Variants in SORCS2 observed in about 807,000 individuals in gnomAD.
The protein encoded by SORCS2 is sortilin related VPS10 domain containing receptor 2, also known as VPS10 domain-containing receptor SorCS2.
A neutral mutation model predicts 141.6 loss-of-function variants in SORCS2; 100 were observed. The ratio of observed to expected loss-of-function variants is 0.71; its 90% CI spans 0.60 to 0.83. SORCS2 has a LOEUF of 0.83. Ranked by LOEUF, SORCS2 falls within the 40% of genes least tolerant of loss-of-function variation. The probability of loss-of-function intolerance (pLI) is 0.00; values close to 1 mark genes in which losing one functional copy is unlikely to be tolerated. For synonymous variants in SORCS2, 789 were observed against 676.9 expected, an observed-to-expected ratio of 1.17 and a Z score of -2.57; for missense variants, 1,646 against 1,560.2, an observed-to-expected ratio of 1.05 and a Z score of -0.93.
chr4:7,594,266 C>T (rs988981776), intron 3 of SORCS2, among the ~76,000 whole-genome samples: 3 of 152,312 alleles, frequency 2.0e-5, no homozygotes, highest in African/African-American at 4.8e-5. Context: ...TGGCAGGTCC[C>T]GCGATCATAA....
At chr4:7,219,105 A>G (rs904978) in intron 1 of SORCS2, among the ~76,000 whole-genome samples, 46,957 of 151,348 alleles carry the variant, frequency 0.31, 8,066 homozygotes, top group Non-Finnish European at 0.39. Flanking sequence ...TGCACCACCT[A>G]TGCCTCCTGC....
intron 3 of SORCS2, among the ~76,000 whole-genome samples, chr4:7,564,032 G>A (rs577667375): frequency 7.9e-5 from 12 of 152,154 alleles, no homozygotes; most frequent in Admixed American, 2.0e-4. Context: ...TTGCATTCCC[G>A]CAAAAGAAGC....
At chr4:7,737,237 C>A (rs1392297562) in intron 26 of SORCS2, 65 bp downstream of exon 26, 1 of 1,543,206 alleles carries the variant, frequency 6.5e-7, no homozygotes, top group South Asian at 1.2e-5. Context: ...CCAAACCCAC[C>A]CCGCCCTCCC....
At chr4:7,521,287 G>A (rs1733314514) in intron 2 of SORCS2, among the ~76,000 whole-genome samples, 1 of 152,132 alleles carries the variant, frequency 6.6e-6, no homozygotes, top group African/African-American at 2.4e-5. Flanking sequence ...TGCCTTCGCT[G>A]CTGCGTATTT....
At chr4:7,402,260 C>T (rs1724639744) in intron 2 of SORCS2, among the ~76,000 whole-genome samples, 1 of 152,176 alleles carries the variant, frequency 6.6e-6, no homozygotes, top group African/African-American at 2.4e-5. Context: ...CCTCTCACAC[C>T]CACCCTCACC....
chr4:7,692,203 G>A (rs1724301316), intron 11 of SORCS2, among the ~76,000 whole-genome samples: 1 of 152,170 alleles, frequency 6.6e-6, no homozygotes, highest in Non-Finnish European at 1.5e-5. Flanking sequence ...CTGCTGGCCC[G>A]ACATGGCTGC....
At chr4:7,434,946 G>C (rs1020950548) in intron 2 of SORCS2, 19 of 1,460,666 alleles carry the variant, frequency 1.3e-5, no homozygotes, top group Admixed American at 2.6e-5. Context: ...TGGCTCTCCT[G>C]CCTGGCCCCA....
At chr4:7,341,182 G>A (rs1720348182) in intron 1 of SORCS2, among the ~76,000 whole-genome samples, 1 of 152,264 alleles carries the variant, frequency 6.6e-6, no homozygotes, top group Non-Finnish European at 1.5e-5. Flanking sequence ...GCGGATGGAA[G>A]CATATCAGTG....
At chr4:7,665,646 G>A (rs570059883) in intron 7 of SORCS2, among the ~76,000 whole-genome samples, 4 of 152,136 alleles carry the variant, frequency 2.6e-5, no homozygotes, top group East Asian at 3.9e-4. Context: ...GTGTCATTCC[G>A]TACCATTTAC....
At position 7,734,352 on chromosome 4, in the gene SORCS2, T is replaced by C; in HGVS notation, c.3289T>C (p.Phe1097Leu). The C allele has an allele frequency of 3.8e-6, 6 of 1,575,502 alleles. No homozygotes were observed. The highest frequency in any genetic ancestry group is 5.2e-6 in the Non-Finnish European group (6 of 1,160,872). The change falls in exon 25 of 27, where the codon TTC becomes CTC. Residue 1097 changes from phenylalanine to leucine, a missense_variant. Coordinates refer to ENST00000507866, the MANE Select transcript of SORCS2 (RefSeq NM_020777.3). ...FVIGLFAAGA[F>L]ILYKFKRKRP... ...CATCGGGCTCTTCGCAGCGGGAGCCTTCATCCTCTACAAGTTCAAAAGGCA... is the reference window on the plus strand; with the variant it reads ...CATCGGGCTCTTCGCAGCGGGAGCCCTCATCCTCTACAAGTTCAAAAGGCA...
chr4:7,536,735 C>T (rs1712154197), intron 3 of SORCS2, among the ~76,000 whole-genome samples: 2 of 151,740 alleles, frequency 1.3e-5, no homozygotes, highest in Non-Finnish European at 2.9e-5. Context: ...TGAAACTTAT[C>T]TACTTGGAGT....
At chr4:7,596,386 T>C (rs1219946372) in intron 3 of SORCS2, among the ~76,000 whole-genome samples, 2 of 152,190 alleles carry the variant, frequency 1.3e-5, no homozygotes, top group African/African-American at 2.4e-5. Flanking sequence ...CTGCTTTTTA[T>C]AGGGACTCGC....
At chr4:7,200,170 T>G (rs765943539) in intron 1 of SORCS2, among the ~76,000 whole-genome samples, 1 of 152,096 alleles carries the variant, frequency 6.6e-6, no homozygotes. Context: ...CTGCAGGGAC[T>G]TTCGGTTTGG....
At chr4:7,238,142 G>A (rs536950653) in intron 1 of SORCS2, among the ~76,000 whole-genome samples, 1 of 152,246 alleles carries the variant, frequency 6.6e-6, no homozygotes, top group African/African-American at 2.4e-5. Flanking sequence ...TGCAGAGGCC[G>A]AATGACATGA....
At chr4:7,265,250 T>C (rs185288365) in intron 1 of SORCS2, among the ~76,000 whole-genome samples, 169 of 152,266 alleles carry the variant, frequency 1.1e-3, no homozygotes, top group African/African-American at 3.8e-3. Context: ...CCAAGCACTT[T>C]GGGAGGCCGA....
chr4:7,385,630 G>A (rs1299905083), intron 1 of SORCS2, among the ~76,000 whole-genome samples: 2 of 152,198 alleles, frequency 1.3e-5, no homozygotes, highest in Non-Finnish European at 2.9e-5. Flanking sequence ...CCCACATTGG[G>A]AAGCAAAGCT....
chr4:7,335,362 A>G (rs1258894729), intron 1 of SORCS2, among the ~76,000 whole-genome samples: 2 of 152,172 alleles, frequency 1.3e-5, no homozygotes, highest in Non-Finnish European at 2.9e-5. Flanking sequence ...AGGGAATTTT[A>G]TGGGGAGGGG....
At chr4:7,302,766 CAT>C (rs1553833345) in intron 1 of SORCS2, among the ~76,000 whole-genome samples, 17 of 51,922 alleles carry the variant, frequency 3.3e-4, no homozygotes, top group Non-Finnish European at 7.7e-4. Context: ...AGACAGTCCA[CAT>C]ATGTGTGTGT....
At chr4:7,371,370 C>T (rs1186997474) in intron 1 of SORCS2, among the ~76,000 whole-genome samples, 1 of 152,196 alleles carries the variant, frequency 6.6e-6, no homozygotes, top group Non-Finnish European at 1.5e-5. Flanking sequence ...CCGCACTCCC[C>T]TGGTTTCCAT....
Sources: allele counts gnomAD v4.1 joint callset (sites outside exome capture counted in the v4.1 genomes callset), GRCh38; gene constraint gnomAD v4.1.1; transcripts MANE v1.5; gene names NCBI Gene and HGNC (gene_info 2026-07-23, HGNC 2026-07-21).